Variants in CDCA7L observed in about 807,000 individuals in gnomAD.
The protein encoded by CDCA7L is cell division cycle associated 7 like.
In CDCA7L, 44 loss-of-function variants were observed where a neutral mutation model predicts 57.4. That is an observed-to-expected ratio of 0.77 (90% CI 0.60 to 0.98). The LOEUF is 0.98. CDCA7L is among the 50% of genes least tolerant of loss of function. The pLI is 0.00. For synonymous variants in CDCA7L, 236 were observed against 202.8 expected, an observed-to-expected ratio of 1.16 and a Z score of -1.39; for missense variants, 644 against 580.6, an observed-to-expected ratio of 1.11 and a Z score of -1.12.
chr7:21,913,894 ACT>A (rs1334790357), intron 2 of CDCA7L, among the ~76,000 whole-genome samples: 1 of 152,216 alleles, frequency 6.6e-6, no homozygotes, highest in African/African-American at 2.4e-5. Context: ...GTGTGTAAGT[ACT>A]GTTTTCCATG....
intron 1 of CDCA7L, chr7:21,940,333 C>T (rs1786300248): frequency 1.0e-6 from 1 of 982,976 alleles, no homozygotes; most frequent in African/African-American, 1.7e-5. Flanking sequence ...GTAGAAAACG[C>T]TATATAAATG....
In CDCA7L at chr7:21,906,438, G is replaced by C; in HGVS notation, c.772C>G (p.Arg258Gly). Residue 258 changes from arginine to glycine, a missense_variant, in exon 6 of 10, where the codon CGG (arginine) becomes GGG (glycine). Coordinates refer to ENST00000406877, the MANE Select transcript of CDCA7L (RefSeq NM_018719.5). The part of the protein sequence containing the change: ...TSASRKKTVR[R>G]AFSEGQITRR... ...GTGATCTGTCCCTCCGAGAAGGCCC[G>C]CCTCACTGTCTTCTTCCTCTGAAAT... 6.2e-7 allele frequency: 1 copy of C among 1,610,016 alleles called. No individual in the cohort carries two copies. Among genetic ancestry groups the C allele is most frequent in the Non-Finnish European group, 8.5e-7 (1 of 1,177,652 alleles).
intron 1 of CDCA7L, among the ~76,000 whole-genome samples, chr7:21,942,326 A>C (rs1436563241): frequency 2.0e-5 from 3 of 152,188 alleles, no homozygotes; most frequent in Admixed American, 6.5e-5. Context: ...AGTGGTATTT[A>C]CCAAATATGC....
At position 21,911,006 on chromosome 7, in the gene CDCA7L, A is replaced by ATTTT. The variant is rs557286550; in HGVS notation, c.303+607_303+610dup. ...AGAGGTTTAAGGAACTCTTGAGATA[A>ATTTT]TTTTTTTTTTTTTTTTTTTTTTTTT... On this transcript the variant is annotated intron_variant, in intron 3 of 9. Transcript: ENST00000406877. Among the ~76,000 whole-genome samples the ATTTT allele has an allele frequency of 7.6e-4, 63 of 82,528 alleles. 4 individuals carry two copies. The highest frequency in any genetic ancestry group is 1.2e-3 in the African/African-American group (21 of 16,890). The allele number at this position is 82,528 out of a possible 152,430, so 54.1% of individuals were successfully genotyped here.
rs79161702 is a variant in CDCA7L, at chr7:21,924,462, G to A, written c.25-7568C>T. The stretch of plus-strand genomic sequence containing the variant: ...TCTATGAAAAGAGATCTACACAGAG[G>A]AGAGCATTCCTTCCTCTTTAACACA... On this transcript the variant is annotated intron_variant, in intron 1 of 9. Transcript: ENST00000406877. Among the ~76,000 whole-genome samples, 292 of 152,280 alleles carry A rather than the reference G, an allele frequency of 1.9e-3. 4 individuals carry two copies. The East Asian group carries it at 0.041, about 22-fold the overall frequency.
At chr7:21,902,524 G>T in intron 9 of CDCA7L, 172 bp from the exon 10 acceptor site, 1 of 635,490 alleles carries the variant, frequency 1.6e-6, no homozygotes. Flanking sequence ...GGTGTAGTAC[G>T]CCCCAAGCAT....
At chr7:21,906,898 C>T (rs901941653) in intron 4 of CDCA7L, among the ~76,000 whole-genome samples, 5 of 152,108 alleles carry the variant, frequency 3.3e-5, no homozygotes, top group African/African-American at 9.7e-5. Context: ...TGAAAACAGT[C>T]CTGGAATGAT....
chr7:21,943,519 G>A (rs565801586), intron 1 of CDCA7L, among the ~76,000 whole-genome samples: 3 of 152,358 alleles, frequency 2.0e-5, no homozygotes, highest in African/African-American at 7.2e-5. Flanking sequence ...GGGGGACAGG[G>A]TGGAACCACA....
chr7:21,912,693 TGC>T (rs1316573747), intron 2 of CDCA7L, among the ~76,000 whole-genome samples: 1 of 152,150 alleles, frequency 6.6e-6, no homozygotes, highest in Non-Finnish European at 1.5e-5. Flanking sequence ...AGCCTAGACT[TGC>T]TCCATGAGCA....
At chr7:21,939,402 A>G (rs998715263) in intron 1 of CDCA7L, among the ~76,000 whole-genome samples, 2 of 152,228 alleles carry the variant, frequency 1.3e-5, no homozygotes, top group African/African-American at 4.8e-5. Flanking sequence ...AAGAGAAGAA[A>G]TAAATGGGAA....
intron 1 of CDCA7L, among the ~76,000 whole-genome samples, chr7:21,940,501 T>A (rs188058650): frequency 2.6e-4 from 40 of 152,126 alleles, no homozygotes; most frequent in Middle Eastern, 3.4e-3. Context: ...GAGTCGTAAG[T>A]GGTAGGGTAA....
intron 1 of CDCA7L, among the ~76,000 whole-genome samples, chr7:21,920,998 G>T (rs1354785022): frequency 6.6e-6 from 1 of 152,162 alleles, no homozygotes; most frequent in Non-Finnish European, 1.5e-5. Flanking sequence ...TTTAAAGGAG[G>T]AGGAGCACCC....
chr7:21,934,098 C>A (rs1234295261), intron 1 of CDCA7L, among the ~76,000 whole-genome samples: 1 of 152,072 alleles, frequency 6.6e-6, no homozygotes, highest in Non-Finnish European at 1.5e-5. Flanking sequence ...TTTGTCAAAG[C>A]CATACAAAAA....
intron 1 of CDCA7L, among the ~76,000 whole-genome samples, chr7:21,941,798 G>T (rs1412823636): frequency 6.6e-6 from 1 of 152,182 alleles, no homozygotes; most frequent in East Asian, 1.9e-4. Context: ...CTACTTCACA[G>T]AACTACAGTG....
chr7:21,933,936 T>C (rs1278913142), intron 1 of CDCA7L, among the ~76,000 whole-genome samples: 2 of 151,222 alleles, frequency 1.3e-5, no homozygotes, highest in Non-Finnish European at 3.0e-5. Context: ...CTCCATCTGG[T>C]TAAAAAAAAA....
chr7:21,926,928 T>C (rs942895561), intron 1 of CDCA7L, among the ~76,000 whole-genome samples: 3 of 150,956 alleles, frequency 2.0e-5, no homozygotes, highest in Non-Finnish European at 4.4e-5. Flanking sequence ...CCATGGGGAG[T>C]GGAAAAAAGC....
rs1041892227 is a variant in CDCA7L at position 21,916,805 on chromosome 7, G to C, written c.114C>G (p.Leu38=). The C allele has an allele frequency of 6.2e-7, 1 of 1,614,054 alleles. No homozygotes were observed. Among genetic ancestry groups the C allele is most frequent in the Non-Finnish European group, 8.5e-7 (1 of 1,179,952 alleles). ...GFRDDVPMET[L]SSEESCDSFD... ...AACTATCGCAGCTCTCCTCTGACGA[G>C]AGGGTTTCCATGGGAACATCATCTC... The change falls in exon 2 of 10, where the codon CTC becomes CTG. Residue 38 remains leucine (L), a synonymous_variant. Coordinates refer to ENST00000406877, the MANE Select transcript of CDCA7L (RefSeq NM_018719.5).
In CDCA7L at chr7:21,901,821, A is replaced by AAACTGTTCTAAAAAATG. The variant is rs1562616330; in HGVS notation, c.*500_*501insCATTTTTTAGAACAGTT. On this transcript the variant is annotated 3_prime_UTR_variant, in exon 10 of 10. Transcript: ENST00000406877. Reference sequence around the variant, plus strand: ...TGTTCAGTCAAGTTTTAATAAAAATAAAACTGTTCTACAGTTAATTGCACT... The same window carrying AAACTGTTCTAAAAAATG: ...TGTTCAGTCAAGTTTTAATAAAAATAAACTGTTCTAAAAAATGAAACTGTTCTACAGTTAATTGCACT... 20 of 165,734 alleles carry AAACTGTTCTAAAAAATG rather than the reference A, an allele frequency of 1.2e-4. No homozygotes were observed. Among genetic ancestry groups the AAACTGTTCTAAAAAATG allele is most frequent in the Admixed American group, 4.0e-4 (7 of 17,550 alleles). The allele number at this position is 165,734 out of a possible 1,614,324, so 10.3% of individuals were successfully genotyped here.
Position 21,901,277 on chromosome 7 carries a change from C to G in CDCA7L, c.*1045G>C. The stretch of plus-strand genomic sequence containing the variant: ...TAAGGTAACACTGGCATTCCTCTAG[C>G]CTCTGCTGGAGTGCAGTGAGGATTT... On this transcript the variant is annotated 3_prime_UTR_variant, in exon 10 of 10. Transcript: ENST00000406877. 6.3e-7 allele frequency: 1 copy of G among 1,592,188 alleles called. No homozygotes were observed. Among genetic ancestry groups the G allele is most frequent in the Non-Finnish European group, 8.6e-7 (1 of 1,168,242 alleles).
Sources: gnomAD v4.1 joint callset for allele counts (sites outside exome capture counted in the v4.1 genomes callset) on GRCh38, gnomAD v4.1.1 for gene constraint, MANE v1.5 for transcripts, NCBI Gene and HGNC (gene_info 2026-07-23, HGNC 2026-07-21) for gene names.